SPACA7: variants seen among roughly 807,000 people sequenced by gnomAD.
SPACA7 encodes the protein sperm acrosome associated 7, also known as sperm acrosome-associated protein 7.
In SPACA7, 19 loss-of-function variants were observed where a neutral mutation model predicts 26.3. The ratio of observed to expected loss-of-function variants is 0.72; its 90% CI spans 0.50 to 1.06. SPACA7 has a LOEUF of 1.06. Ranked by LOEUF, SPACA7 falls within the 50% of genes least tolerant of loss-of-function variation. The pLI, the probability that SPACA7 is intolerant of heterozygous loss-of-function variation, is 0.00. For missense variants in SPACA7, 211 were observed against 229.9 expected (o/e 0.92, Z 0.53); for synonymous variants, 84 against 84.5 (o/e 0.99, Z 0.04).
rs368117073 is a variant in SPACA7 at position 112,387,163 on chromosome 13, CA to C, written c.95-5855del. Among the ~76,000 whole-genome samples, 15 of 152,320 alleles carry C rather than the reference CA, an allele frequency of 9.8e-5. No individual in the cohort carries two copies. In the East Asian group the frequency reaches 2.9e-3, roughly 29 times the overall value. ...GTCTAGAGAACCAGTTTCAAGCTCG[CA>C]AAGGCTTTTAACTGCTTAAGAAAAT... On this transcript the variant is annotated intron_variant, in intron 1 of 6. Transcript: ENST00000283550.
At chr13:112,396,852 C>A (rs1268783993) in intron 2 of SPACA7, among the ~76,000 whole-genome samples, 1 of 152,198 alleles carries the variant, frequency 6.6e-6, no homozygotes, top group Non-Finnish European at 1.5e-5. Context: ...CAAGCTCGTG[C>A]CTCATGATCA....
chr13:112,392,327 G>A (rs1383936668), intron 1 of SPACA7, among the ~76,000 whole-genome samples: 1 of 152,174 alleles, frequency 6.6e-6, no homozygotes, highest in African/African-American at 2.4e-5. Flanking sequence ...CGAGGCCACA[G>A]GTCAGGAGGC....
chr13:112,412,372 T>C (rs1041384324), intron 5 of SPACA7, among the ~76,000 whole-genome samples: 2 of 152,178 alleles, frequency 1.3e-5, no homozygotes, highest in Admixed American at 6.5e-5. Flanking sequence ...TCTTGTCAGA[T>C]GGATAGTTTG....
At chr13:112,414,774 A>G (rs1886584511) in intron 5 of SPACA7, among the ~76,000 whole-genome samples, 1 of 152,200 alleles carries the variant, frequency 6.6e-6, no homozygotes, top group Non-Finnish European at 1.5e-5. Flanking sequence ...TCTCAGTCTT[A>G]AAGTCACACA....
chr13:112,385,464 G>T (rs537207210), intron 1 of SPACA7, among the ~76,000 whole-genome samples: 1 of 152,216 alleles, frequency 6.6e-6, no homozygotes, highest in Admixed American at 6.5e-5. Context: ...TGTACTAGGG[G>T]TGCAGCCTAG....
chr13:112,382,563 G>A, intron 1 of SPACA7: 2 of 1,533,582 alleles, frequency 1.3e-6, no homozygotes, highest in Non-Finnish European at 1.8e-6. Context: ...AGGCCTGGCT[G>A]GGCTTCCAAG....
intron 5 of SPACA7, 33 bp downstream of exon 5, chr13:112,401,197 T>C (rs943632173): frequency 2.6e-6 from 4 of 1,549,382 alleles, no homozygotes; most frequent in Non-Finnish European, 3.6e-6. Flanking sequence ...GAGAGCTCTG[T>C]GGGAGAGACG....
intron 5 of SPACA7, 125 bp from the exon 6 acceptor site, chr13:112,432,319 C>A: frequency 1.5e-6 from 1 of 687,796 alleles, no homozygotes; most frequent in South Asian, 1.9e-5. Flanking sequence ...CACCTCACCC[C>A]GCTTGCTCTG....
rs2139018319 is a variant in SPACA7, at chr13:112,414,552, A to G, written c.445+13388A>G. 2.6e-5 allele frequency among the ~76,000 whole-genome samples: 4 copies of G among 151,828 alleles called. No homozygotes were observed. In the South Asian group the frequency reaches 8.3e-4, roughly 32 times the overall value. ...CAGCCTCCCAAGTATCTGGGATTAC[A>G]GGCACATGCCACCATGCCCAGATAA... On this transcript the variant is annotated intron_variant, in intron 5 of 6. Transcript: ENST00000283550.
Position 112,427,847 on chromosome 13 carries a change from GT to G in SPACA7, c.446-4588del, listed in dbSNP as rs374179689. On this transcript the variant is annotated intron_variant, in intron 5 of 6. Coordinates refer to ENST00000283550, the MANE Select transcript of SPACA7 (RefSeq NM_145248.5). ...TTATTGGCAAAAGTTTTTCACAATA[GT>G]TTTTTTTTATTCATTTTCAGTGTCT... is the stretch of plus-strand genomic sequence containing the variant. Among the ~76,000 whole-genome samples the G allele has an allele frequency of 1.3e-4, 19 of 151,494 alleles. 1 individual carries two copies. Among genetic ancestry groups the G allele is most frequent in the South Asian group, 2.1e-4 (1 of 4,802 alleles).
In SPACA7 at chr13:112,377,139, C is replaced by T. The variant is rs1185421708; in HGVS notation, c.94+660C>T. Among the ~76,000 whole-genome samples the T allele has an allele frequency of 2.6e-5, 4 of 152,200 alleles. No homozygotes were observed. The East Asian group carries it at 7.7e-4, about 29-fold the overall frequency. Reference sequence around the variant, plus strand: ...AGGGTGGGTCAGTGGATGAACATTGCTAAAAGGTAGGAGAATTCTTTGCTA... The same window carrying T: ...AGGGTGGGTCAGTGGATGAACATTGTTAAAAGGTAGGAGAATTCTTTGCTA... On this transcript the variant is annotated intron_variant, in intron 1 of 6. Transcript: ENST00000283550.
At chr13:112,409,546 G>A (rs965953214) in intron 5 of SPACA7, among the ~76,000 whole-genome samples, 2 of 152,098 alleles carry the variant, frequency 1.3e-5, no homozygotes, top group Middle Eastern at 3.2e-3. Flanking sequence ...CCATCAAAAA[G>A]TGGGTGAAGG....
At chr13:112,408,209 G>T (rs1216449844) in intron 5 of SPACA7, among the ~76,000 whole-genome samples, 1 of 152,038 alleles carries the variant, frequency 6.6e-6, no homozygotes, top group Admixed American at 6.5e-5. Context: ...GGTATTGATG[G>T]GACGTATCTC....
At chr13:112,377,295 A>G (rs1883757672) in intron 1 of SPACA7, among the ~76,000 whole-genome samples, 1 of 152,242 alleles carries the variant, frequency 6.6e-6, no homozygotes, top group Non-Finnish European at 1.5e-5. Flanking sequence ...GCATAAGTTT[A>G]ATAAAAATTG....
At chr13:112,409,042 G>A (rs944579545) in intron 5 of SPACA7, among the ~76,000 whole-genome samples, 3 of 152,106 alleles carry the variant, frequency 2.0e-5, no homozygotes, top group Non-Finnish European at 4.4e-5. Flanking sequence ...ACAGAACAGA[G>A]CCCTCAGAAA....
chr13:112,408,539 A>G (rs191520547), intron 5 of SPACA7, among the ~76,000 whole-genome samples: 3 of 93,632 alleles, frequency 3.2e-5, no homozygotes, highest in Admixed American at 2.2e-4. Flanking sequence ...TACAAAATCA[A>G]TGTGCGAAAA....
chr13:112,391,510 G>A lies in SPACA7; in HGVS notation c.95-1511G>A, dbSNP rs112839341. On this transcript the variant is annotated intron_variant, in intron 1 of 6. Coordinates refer to ENST00000283550, the MANE Select transcript of SPACA7 (RefSeq NM_145248.5). ...AGAACTCCACAGGGAACCCTTTCAC[G>A]GAGGCCAGCGTGTGCACGATGTAAA... is the stretch of plus-strand genomic sequence containing the variant. Among the ~76,000 whole-genome samples the A allele has an allele frequency of 1.6e-3, 238 of 152,242 alleles. 1 individual carries two copies. The highest frequency in any genetic ancestry group is 4.9e-3 in the African/African-American group (202 of 41,542).
chr13:112,407,901 A>G lies in SPACA7; in HGVS notation c.445+6737A>G, dbSNP rs571751618. On this transcript the variant is annotated intron_variant, in intron 5 of 6. Coordinates refer to ENST00000283550, the MANE Select transcript of SPACA7 (RefSeq NM_145248.5). ...AGCATCATCCTGATACCAAAGGCTG[A>G]CAGAGACACAACAAAAAAAGGGAAT... Among the ~76,000 whole-genome samples, 251 of 152,238 alleles carry G rather than the reference A, an allele frequency of 1.6e-3. 1 individual carries two copies. The highest frequency in any genetic ancestry group is 5.9e-3 in the African/African-American group (245 of 41,542).
intron 5 of SPACA7, among the ~76,000 whole-genome samples, chr13:112,424,800 T>G (rs944920503): frequency 6.6e-6 from 1 of 152,080 alleles, no homozygotes; most frequent in Admixed American, 6.5e-5. Context: ...TCTCCTGGGC[T>G]GAGAGCTGTC....
Sources: gnomAD v4.1 joint callset for allele counts (sites outside exome capture counted in the v4.1 genomes callset) on GRCh38, gnomAD v4.1.1 for gene constraint, MANE v1.5 for transcripts, NCBI Gene and HGNC (gene_info 2026-07-23, HGNC 2026-07-21) for gene names.